Variants in TMEM63C observed in about 807,000 individuals in gnomAD.
The protein encoded by TMEM63C is transmembrane protein 63C.
TMEM63C carries 32 observed loss-of-function variants against 99.2 expected under a neutral mutation model. The ratio of observed to expected loss-of-function variants is 0.32; its 90% confidence interval spans 0.24 to 0.43. The LOEUF is 0.43. Ranked by LOEUF, TMEM63C falls within the 20% of genes least tolerant of loss-of-function variation. The pLI, the probability that TMEM63C is intolerant of heterozygous loss-of-function variation, is 1.00. For synonymous variants in TMEM63C, 376 were observed against 397.9 expected, an observed-to-expected ratio of 0.94 and a Z score of 0.66; for missense variants, 826 against 1,053.0, an observed-to-expected ratio of 0.78 and a Z score of 2.98.
chr14:77,193,869 G>A (rs1888154103), intron 1 of TMEM63C, among the ~76,000 whole-genome samples: 1 of 151,998 alleles, frequency 6.6e-6, no homozygotes, highest in Middle Eastern at 3.4e-3. Flanking sequence ...GCATGGTAGT[G>A]GGCACCCGTG....
At chr14:77,255,927 C>A (rs2140135653) in intron 23 of TMEM63C, among the ~76,000 whole-genome samples, 1 of 152,316 alleles carries the variant, frequency 6.6e-6, no homozygotes, top group East Asian at 1.9e-4. Flanking sequence ...TCCCTAATAA[C>A]CTATTTTCTA....
chr14:77,195,878 A>G (rs1888205246), intron 1 of TMEM63C, among the ~76,000 whole-genome samples: 1 of 152,228 alleles, frequency 6.6e-6, no homozygotes, highest in South Asian at 2.1e-4. Context: ...GCTGGGGGTC[A>G]TGGATGCTTC....
At chr14:77,230,221 A>C (rs143590303) in intron 6 of TMEM63C, among the ~76,000 whole-genome samples, 1,795 of 150,516 alleles carry the variant, frequency 0.012, 18 homozygotes, top group East Asian at 0.031. Context: ...AAAAATGTAC[A>C]GCTCAGTCAT....
chr14:77,233,425 G>C (rs755480373), intron 7 of TMEM63C, 27 bp from the exon 8 acceptor site: 7 of 1,610,932 alleles, frequency 4.3e-6, no homozygotes. Flanking sequence ...AGCCAGGCTC[G>C]AGGTCAGCAA....
intron 16 of TMEM63C, 98 bp from the exon 17 acceptor site, chr14:77,245,842 A>G: frequency 1.1e-6 from 1 of 923,752 alleles, no homozygotes; most frequent in Non-Finnish European, 1.8e-6. Flanking sequence ...CACAGAGCCA[A>G]ACCATATCAG....
chr14:77,242,518 A>C, intron 14 of TMEM63C, 49 bp downstream of exon 14: 1 of 1,603,074 alleles, frequency 6.2e-7, no homozygotes, highest in Non-Finnish European at 8.5e-7. Flanking sequence ...TCTGAGACTG[A>C]AGAAGGCAGC....
chr14:77,238,878 G>A, intron 10 of TMEM63C, 111 bp downstream of exon 10: 4 of 834,106 alleles, frequency 4.8e-6, no homozygotes, highest in Non-Finnish European at 7.9e-6. Flanking sequence ...GGACACCCCG[G>A]GGTGGCTCTC....
intron 1 of TMEM63C, among the ~76,000 whole-genome samples, chr14:77,208,206 G>C (rs549528939): frequency 1.3e-5 from 2 of 152,210 alleles, no homozygotes; most frequent in Non-Finnish European, 2.9e-5. Context: ...GCAGGGTCTC[G>C]AAATCACTGG....
At chr14:77,183,870 G>A (rs556994062) in intron 1 of TMEM63C, among the ~76,000 whole-genome samples, 1 of 152,202 alleles carries the variant, frequency 6.6e-6, no homozygotes, top group South Asian at 2.1e-4. Flanking sequence ...GAGAGGAGAG[G>A]GCCCACCATA....
At chr14:77,196,495 T>G (rs1303164140) in intron 1 of TMEM63C, among the ~76,000 whole-genome samples, 1 of 152,200 alleles carries the variant, frequency 6.6e-6, no homozygotes, top group Non-Finnish European at 1.5e-5. Flanking sequence ...GCTCTGGTTT[T>G]GGTTAGGATG....
chr14:77,186,801 C>CTGTGTGTG (rs1240827650), intron 1 of TMEM63C, among the ~76,000 whole-genome samples: 48,531 of 145,952 alleles, frequency 0.33, 9,511 homozygotes, highest in East Asian at 0.63. Flanking sequence ...GTGTGTGTGT[C>CTGTGTGTG]TGTGTGTGTG....
chr14:77,186,785 GTGTGTGTGTGTGTGTC>G (rs1405673059), intron 1 of TMEM63C, among the ~76,000 whole-genome samples: 3 of 112,528 alleles, frequency 2.7e-5, no homozygotes, highest in Non-Finnish European at 5.4e-5. Flanking sequence ...GGGTGTGTGT[GTGTGTGTGTGTGTGTC>G]TGTGTGTGTG....
intron 18 of TMEM63C, among the ~76,000 whole-genome samples, chr14:77,247,291 C>T (rs1889283727): frequency 6.6e-6 from 1 of 152,104 alleles, no homozygotes; most frequent in Non-Finnish European, 1.5e-5. Flanking sequence ...ACCTCTGCCT[C>T]CCAAGTTCAA....
At chr14:77,240,404 G>A (rs1566629059) in intron 12 of TMEM63C, 71 bp from the exon 13 acceptor site, 9 of 1,515,238 alleles carry the variant, frequency 5.9e-6, no homozygotes, top group Non-Finnish European at 7.0e-6. Context: ...CTTGAGTGGG[G>A]AGGAACCTCG....
chr14:77,244,301 A>G (rs1324674701), intron 15 of TMEM63C, 48 bp from the exon 16 acceptor site: 3 of 1,370,890 alleles, frequency 2.2e-6, no homozygotes, highest in African/African-American at 2.9e-5. Context: ...GGGGAAGAGG[A>G]TGCTTGCATT....
chr14:77,256,747 T>A lies in TMEM63C; in HGVS notation c.*21T>A, dbSNP rs1238637493. On this transcript the variant is annotated 3_prime_UTR_variant, in exon 24 of 24. Coordinates refer to ENST00000298351, the MANE Select transcript of TMEM63C (RefSeq NM_020431.4). The stretch of plus-strand genomic sequence containing the variant: ...ACTGACCGGGACCTGAGGCCTCCAC[T>A]GGCGACTTGTTGAGGGGTCAGGGGA... The A allele has an allele frequency of 6.2e-7, 1 of 1,610,436 alleles. No homozygotes were observed. The highest frequency in any genetic ancestry group is 1.3e-5 in the African/African-American group (1 of 74,802).
intron 1 of TMEM63C, among the ~76,000 whole-genome samples, chr14:77,207,929 C>G (rs755812965): frequency 1.3e-5 from 2 of 152,172 alleles, no homozygotes; most frequent in Non-Finnish European, 2.9e-5. Flanking sequence ...AATCAGCGTT[C>G]TCTGCCTCGA....
chr14:77,209,933 G>T (rs1888466296), intron 1 of TMEM63C, among the ~76,000 whole-genome samples: 1 of 152,050 alleles, frequency 6.6e-6, no homozygotes, highest in South Asian at 2.1e-4. Context: ...ACTCTCCACA[G>T]ATTCGGGACC....
At chr14:77,198,876 C>G (rs958280277) in intron 1 of TMEM63C, among the ~76,000 whole-genome samples, 4 of 152,192 alleles carry the variant, frequency 2.6e-5, no homozygotes, top group Non-Finnish European at 5.9e-5. Flanking sequence ...CCAGAGCATG[C>G]TGGTTCCCGC....
Sources: gnomAD v4.1 joint callset for allele counts (sites outside exome capture counted in the v4.1 genomes callset) on GRCh38, gnomAD v4.1.1 for gene constraint, MANE v1.5 for transcripts, NCBI Gene and HGNC (gene_info 2026-07-23, HGNC 2026-07-21) for gene names.